CERS6: variants seen among roughly 807,000 people sequenced by gnomAD.
CERS6 encodes ceramide synthase 6.
In CERS6, 26 loss-of-function variants were observed where a neutral mutation model predicts 56.8. The ratio of observed to expected loss-of-function variants is 0.46; its 90% CI spans 0.34 to 0.63. The LOEUF is 0.63. Ranked by LOEUF, CERS6 falls within the 30% of genes least tolerant of loss-of-function variation. The pLI, the probability that CERS6 is intolerant of heterozygous loss-of-function variation, is 0.01. For missense variants in CERS6, 415 were observed against 467.5 expected (o/e 0.89, Z 1.04); for synonymous variants, 164 against 173.3 (o/e 0.95, Z 0.42).
At chr2:168,554,566 T>A (rs189881082) in intron 2 of CERS6, among the ~76,000 whole-genome samples, 1 of 152,286 alleles carries the variant, frequency 6.6e-6, no homozygotes, top group Admixed American at 6.5e-5. Flanking sequence ...GAGAGAGGCC[T>A]GGTACAGATT....
chr2:168,751,917 T>C (rs1684281160), intron 8 of CERS6, among the ~76,000 whole-genome samples: 1 of 152,188 alleles, frequency 6.6e-6, no homozygotes, highest in Non-Finnish European at 1.5e-5. Context: ...CTCCCTTTGC[T>C]TGGAACACCT....
intron 1 of CERS6, among the ~76,000 whole-genome samples, chr2:168,467,697 C>T (rs558200601): frequency 2.0e-4 from 30 of 152,112 alleles, no homozygotes; most frequent in Non-Finnish European, 3.2e-4. Context: ...TGCCACTTTG[C>T]AGTATTGAGC....
chr2:168,746,454 C>T (rs1043653889), intron 8 of CERS6, among the ~76,000 whole-genome samples: 6 of 151,948 alleles, frequency 3.9e-5, no homozygotes, highest in Non-Finnish European at 5.9e-5. Context: ...ACATCCCACC[C>T]CTCTGCCATC....
chr2:168,522,991 AATG>A (rs1695008548), intron 1 of CERS6, among the ~76,000 whole-genome samples: 1 of 152,278 alleles, frequency 6.6e-6, no homozygotes, highest in East Asian at 1.9e-4. Flanking sequence ...ATGTGCCAGC[AATG>A]ATACTATTGA....
intron 8 of CERS6, among the ~76,000 whole-genome samples, chr2:168,733,380 A>C (rs753133927): frequency 1.3e-5 from 2 of 152,246 alleles, no homozygotes; most frequent in Non-Finnish European, 2.9e-5. Context: ...GTGGATTTCC[A>C]CATCACCTGA....
intron 4 of CERS6, among the ~76,000 whole-genome samples, chr2:168,681,346 A>G (rs1221527233): frequency 6.6e-6 from 1 of 152,244 alleles, no homozygotes; most frequent in East Asian, 1.9e-4. Context: ...CTGTCAACAT[A>G]TAAATACTCC....
chr2:168,605,635 TG>T (rs1044083410), intron 3 of CERS6, among the ~76,000 whole-genome samples: 1 of 152,188 alleles, frequency 6.6e-6, no homozygotes, highest in Non-Finnish European at 1.5e-5. Flanking sequence ...AATGGTTTCC[TG>T]GGCTAGGCCC....
At chr2:168,674,366 T>C (rs1257612360) in intron 4 of CERS6, among the ~76,000 whole-genome samples, 1 of 152,166 alleles carries the variant, frequency 6.6e-6, no homozygotes, top group Non-Finnish European at 1.5e-5. Flanking sequence ...AGCTAAGGAT[T>C]GTCTAATTAA....
chr2:168,703,588 C>G (rs1686858325), intron 6 of CERS6, among the ~76,000 whole-genome samples: 2 of 151,958 alleles, frequency 1.3e-5, no homozygotes, highest in Admixed American at 6.6e-5. Flanking sequence ...AAAAGTGACT[C>G]CCAGGTAGTG....
intron 8 of CERS6, among the ~76,000 whole-genome samples, chr2:168,745,050 C>T (rs1413640563): frequency 1.3e-5 from 2 of 152,112 alleles, no homozygotes; most frequent in Non-Finnish European, 2.9e-5. Context: ...GCCTATTGAA[C>T]AGGCTCTTTG....
At chr2:168,702,953 A>C (rs528060166) in intron 6 of CERS6, among the ~76,000 whole-genome samples, 2 of 152,310 alleles carry the variant, frequency 1.3e-5, no homozygotes, top group Middle Eastern at 3.4e-3. Context: ...TGAGAATCCA[A>C]CTCTCTAGTA....
Position 168,770,927 on chromosome 2 carries a change from C to G in CERS6, c.*1265C>G, listed in dbSNP as rs1684847171. ...AAATTCTATTGGACAATGGCAATAT[C>G]AACAATGAGGAAAATTACTGAAGAA... On this transcript the variant is annotated 3_prime_UTR_variant, in exon 10 of 10. Coordinates refer to ENST00000305747, the MANE Select transcript of CERS6 (RefSeq NM_203463.3). 6.6e-6 allele frequency: 1 copy of G among 152,072 alleles called. No individual in the cohort carries two copies. The highest frequency in any genetic ancestry group is 1.5e-5 in the Non-Finnish European group (1 of 68,016). 9.4% of individuals were successfully genotyped at this position (152,072 alleles called of 1,614,324 possible). A position where few individuals can be genotyped will look rare whatever the true frequency, so the allele number is the denominator to read the frequency against.
intron 3 of CERS6, among the ~76,000 whole-genome samples, chr2:168,604,608 A>G (rs545800888): frequency 6.6e-6 from 1 of 152,272 alleles, no homozygotes; most frequent in South Asian, 2.1e-4. Context: ...TCATGGTTTA[A>G]CATCATCCCT....
Position 168,775,112 on chromosome 2 carries a change from TAAAGA to T in CERS6, c.*5451_*5455del, listed in dbSNP as rs1207228033. The T allele has an allele frequency of 2.6e-5, 4 of 152,324 alleles. No homozygotes were observed. Among genetic ancestry groups the T allele is most frequent in the Non-Finnish European group, 5.9e-5 (4 of 68,014 alleles). 9.4% of individuals were successfully genotyped at this position (152,324 alleles called of 1,614,324 possible). ...TTTTACTTTGGAAACACTTTCATAA[TAAAGA>T]TAAGTATTAAGAGTGCAGTGTAAGT... On this transcript the variant is annotated 3_prime_UTR_variant, in exon 10 of 10. Coordinates refer to ENST00000305747, the MANE Select transcript of CERS6 (RefSeq NM_203463.3).
At chr2:168,648,773 TTTATTTCCA>T (rs1440106589) in intron 4 of CERS6, among the ~76,000 whole-genome samples, 2 of 152,056 alleles carry the variant, frequency 1.3e-5, no homozygotes, top group Non-Finnish European at 2.9e-5. Flanking sequence ...CCTTAATTTC[TTTATTTCCA>T]TGTAATTGCA....
chr2:168,493,637 C>T (rs1694412748), intron 1 of CERS6, among the ~76,000 whole-genome samples: 1 of 152,092 alleles, frequency 6.6e-6, no homozygotes, highest in Non-Finnish European at 1.5e-5. Flanking sequence ...GCCTTCAGAT[C>T]AACCATGATA....
chr2:168,611,060 C>T (rs572940138), intron 3 of CERS6, among the ~76,000 whole-genome samples: 1 of 152,306 alleles, frequency 6.6e-6, no homozygotes, highest in Admixed American at 6.5e-5. Context: ...ATGCCCACCT[C>T]AGCCTCTCAA....
chr2:168,462,114 C>T (rs908014612), intron 1 of CERS6, among the ~76,000 whole-genome samples: 1 of 152,222 alleles, frequency 6.6e-6, no homozygotes, highest in Non-Finnish European at 1.5e-5. Context: ...CATACACTTA[C>T]ATTTCTTCCT....
intron 3 of CERS6, among the ~76,000 whole-genome samples, chr2:168,563,282 G>A (rs758721637): frequency 6.6e-6 from 1 of 152,084 alleles, no homozygotes; most frequent in Non-Finnish European, 1.5e-5. Context: ...AATTCAGCAG[G>A]TCATTATGTG....
Sources: gnomAD v4.1 joint callset for allele counts (sites outside exome capture counted in the v4.1 genomes callset) on GRCh38, gnomAD v4.1.1 for gene constraint, MANE v1.5 for transcripts, NCBI Gene and HGNC (gene_info 2026-07-23, HGNC 2026-07-21) for gene names.